ZBBX: variants seen among roughly 807,000 people sequenced by gnomAD.
ZBBX encodes the protein zinc finger B-box domain-containing protein 1.
Under a neutral mutation model 108.5 loss-of-function variants are expected in ZBBX, and 101 were observed. That is an observed-to-expected ratio of 0.93 (90% CI 0.79 to 1.10). The LOEUF (loss-of-function observed/expected upper bound fraction) is 1.10, where lower values mean the gene tolerates loss of function less well. ZBBX is among the 50% of genes least tolerant of loss of function. ZBBX has a pLI of 0.00. For synonymous variants in ZBBX, 356 were observed against 323.4 expected (o/e 1.10, Z -1.08); for missense variants, 1,009 against 941.4 (o/e 1.07, Z -0.94).
chr3:167,199,445 C>T, the ZBBX span, among the ~76,000 whole-genome samples: 1 of 152,180 alleles, frequency 6.6e-6, no homozygotes, highest in Non-Finnish European at 1.5e-5. Context: ...GAATTATATA[C>T]AGGTCCATAG....
At chr3:167,267,165 T>C (rs940890595) in intron 20 of ZBBX, among the ~76,000 whole-genome samples, 1 of 152,234 alleles carries the variant, frequency 6.6e-6, no homozygotes, top group Non-Finnish European at 1.5e-5. Context: ...TCACCTCATA[T>C]GGCTTAGGGT....
At chr3:167,391,162 C>A (rs114951158) in intron 1 of ZBBX, among the ~76,000 whole-genome samples, 3,169 of 151,928 alleles carry the variant, frequency 0.021, 113 homozygotes, top group African/African-American at 0.073. Context: ...ATGTTCCATG[C>A]ATACCTAGTT....
downstream of ZBBX, among the ~76,000 whole-genome samples, chr3:167,238,622 A>T (rs1720327571): frequency 6.6e-6 from 1 of 152,072 alleles, no homozygotes; most frequent in East Asian, 1.9e-4. Flanking sequence ...AAGACAAAAG[A>T]GTTTGAGTCT....
intron 9 of ZBBX, among the ~76,000 whole-genome samples, chr3:167,349,212 G>T (rs929000160): frequency 6.6e-6 from 1 of 152,012 alleles, no homozygotes; most frequent in African/African-American, 2.4e-5. Context: ...ATAAATCATT[G>T]AATGAAAAAT....
intron 20 of ZBBX, among the ~76,000 whole-genome samples, chr3:167,281,682 C>T (rs563683878): frequency 1.6e-4 from 25 of 152,222 alleles, no homozygotes; most frequent in Admixed American, 2.0e-4. Context: ...AAATAAAATG[C>T]GCAAGTATAA....
At chr3:167,239,648 G>A (rs1295789833), downstream of ZBBX, among the ~76,000 whole-genome samples, 1 of 151,794 alleles carries the variant, frequency 6.6e-6, no homozygotes, top group Non-Finnish European at 1.5e-5. Flanking sequence ...TTATATTATA[G>A]GTAAGACTTC....
intron 20 of ZBBX, among the ~76,000 whole-genome samples, chr3:167,253,107 T>C (rs903441538): frequency 6.6e-6 from 1 of 151,948 alleles, no homozygotes; most frequent in Non-Finnish European, 1.5e-5. Context: ...ATTAAATAAA[T>C]AGAAAAAGCA....
chr3:167,351,406 T>C (rs935539946), intron 8 of ZBBX, among the ~76,000 whole-genome samples: 3 of 152,062 alleles, frequency 2.0e-5, no homozygotes, highest in African/African-American at 7.2e-5. Flanking sequence ...ACATTTCAAA[T>C]AGATTGCCTG....
chr3:167,401,382 G>A (rs561780355), intron 1 of ZBBX: 48 of 152,200 alleles, frequency 3.2e-4, no homozygotes, highest in African/African-American at 1.1e-3. Flanking sequence ...CTTGGATCTC[G>A]TGTAAGAAGG....
chr3:167,215,877 A>G, the ZBBX span, among the ~76,000 whole-genome samples: 1 of 152,172 alleles, frequency 6.6e-6, no homozygotes, highest in African/African-American at 2.4e-5. Context: ...AAGGGAAAAA[A>G]CCATGTGATT....
At chr3:167,367,758 C>G (rs145246933) in intron 5 of ZBBX, among the ~76,000 whole-genome samples, 1 of 151,210 alleles carries the variant, frequency 6.6e-6, no homozygotes, top group East Asian at 1.9e-4. Context: ...TAGCCTAGAG[C>G]TAAGAAGAGA....
At chr3:167,301,954 T>TAAAAAAAAAAAAAAAAA (rs71176635) in intron 17 of ZBBX, among the ~76,000 whole-genome samples, 1 of 92,142 alleles carries the variant, frequency 1.1e-5, no homozygotes. Context: ...AAGACTCCGT[T>TAAAAAAAAAAAAAAAAA]AAAAAAAAAA....
intron 18 of ZBBX, among the ~76,000 whole-genome samples, chr3:167,294,327 T>C (rs1731251763): frequency 6.6e-6 from 1 of 152,134 alleles, no homozygotes; most frequent in Admixed American, 6.5e-5. Flanking sequence ...CAAAACAGCA[T>C]TGTACTGGTA....
the ZBBX span, among the ~76,000 whole-genome samples, chr3:167,225,758 C>T: frequency 6.6e-6 from 1 of 151,808 alleles, no homozygotes; most frequent in African/African-American, 2.4e-5. Flanking sequence ...ACTTTCGATG[C>T]TACCACAGTA....
chr3:167,271,746 G>A (rs1726560279), intron 20 of ZBBX, among the ~76,000 whole-genome samples: 2 of 152,202 alleles, frequency 1.3e-5, no homozygotes, highest in African/African-American at 4.8e-5. Flanking sequence ...GAGGAATCCA[G>A]GGCTAAGACC....
At chr3:167,386,522 T>C (rs144738876) in intron 1 of ZBBX, among the ~76,000 whole-genome samples, 55 of 152,214 alleles carry the variant, frequency 3.6e-4, no homozygotes, top group East Asian at 1.5e-3. Context: ...TAGGCATATA[T>C]AAGTGAGTTG....
intron 14 of ZBBX, 95 bp downstream of exon 14, chr3:167,316,910 G>A (rs1391452068): frequency 3.0e-6 from 2 of 656,250 alleles, no homozygotes; most frequent in Admixed American, 6.5e-5. Context: ...TTAGTTATTT[G>A]AGAAATCTTA....
At chr3:167,389,069 C>T (rs966250805) in intron 1 of ZBBX, among the ~76,000 whole-genome samples, 1 of 151,856 alleles carries the variant, frequency 6.6e-6, no homozygotes, top group Admixed American at 6.6e-5. Context: ...TTTCAACCCA[C>T]CATCTAGGTT....
In ZBBX at chr3:167,380,230, G is replaced by A; in HGVS notation, c.-287+17C>T. 1 of 152,362 alleles carries A rather than the reference G, an allele frequency of 6.6e-6. No homozygotes were observed. The highest frequency in any genetic ancestry group is 1.5e-5 in the Non-Finnish European group (1 of 68,110). The allele number at this position is 152,362 out of a possible 1,614,324, so 9.4% of individuals were successfully genotyped here. Reference sequence around the variant, plus strand: ...GACCATCCTCCCCTCTCATCCACCCGCAGACAGACAACCCACCTGGAGACC... The same window carrying A: ...GACCATCCTCCCCTCTCATCCACCCACAGACAGACAACCCACCTGGAGACC... On this transcript the variant is annotated intron_variant, in intron 1 of 21. Coordinates refer to ENST00000675490, the MANE Select transcript of ZBBX (RefSeq NM_001199201.2).
Sources: allele counts gnomAD v4.1 joint callset (sites outside exome capture counted in the v4.1 genomes callset), GRCh38; gene constraint gnomAD v4.1.1; transcripts MANE v1.5; gene names NCBI Gene and HGNC (gene_info 2026-07-23, HGNC 2026-07-21).